The following CACNA1E variants were observed in gnomAD, a reference collection of about 807,000 sequenced individuals.
CACNA1E encodes the protein voltage-dependent R-type calcium channel subunit alpha-1E.
CACNA1E carries 40 observed loss-of-function variants against 259.2 expected under a neutral mutation model. The observed-to-expected ratio is 0.15, with a 90% CI of 0.12 to 0.20. The LOEUF (loss-of-function observed/expected upper bound fraction) is 0.20. Among genes scored for constraint, CACNA1E ranks in the 10% least tolerant of loss-of-function variants. The probability of loss-of-function intolerance (pLI) is 1.00; values close to 1 mark genes in which losing one functional copy is unlikely to be tolerated. For missense variants in CACNA1E, 1,874 were observed against 3,040.1 expected, an observed-to-expected ratio of 0.62 and a Z score of 9.02; for synonymous variants, 1,104 against 1,138.5, an observed-to-expected ratio of 0.97 and a Z score of 0.61.
intron 6 of CACNA1E, among the ~76,000 whole-genome samples, chr1:181,588,930 G>C (rs879392276): frequency 2.0e-5 from 3 of 152,216 alleles, no homozygotes; most frequent in Non-Finnish European, 4.4e-5. Context: ...TCTCAGCCAG[G>C]TGGGGATGGC....
chr1:181,651,317 A>C, intron 6 of CACNA1E, 21 bp from the exon 7 acceptor site: 1 of 1,511,570 alleles, frequency 6.6e-7, no homozygotes, highest in Non-Finnish European at 9.2e-7. Flanking sequence ...AGTATTAAGG[A>C]ACCATTTTTC....
chr1:181,433,807 T>A (rs1394542092), intron 2 of CACNA1E, among the ~76,000 whole-genome samples: 1 of 152,244 alleles, frequency 6.6e-6, no homozygotes, highest in East Asian at 1.9e-4. Flanking sequence ...TCATTTGTAA[T>A]TGCTAATGGC....
chr1:181,709,841 G>A (rs748637711), intron 7 of CACNA1E, among the ~76,000 whole-genome samples: 2 of 152,114 alleles, frequency 1.3e-5, no homozygotes, highest in South Asian at 2.1e-4. Flanking sequence ...AGCTTCCCAG[G>A]TAGTAGGAGA....
intron 1 of CACNA1E, among the ~76,000 whole-genome samples, chr1:181,374,638 A>T (rs1295532621): frequency 6.6e-6 from 1 of 151,938 alleles, no homozygotes; most frequent in Non-Finnish European, 1.5e-5. Flanking sequence ...AATTAAAAAA[A>T]TTTTGCTTTT....
At chr1:181,712,165 GT>G (rs113962627) in intron 8 of CACNA1E, among the ~76,000 whole-genome samples, 5,920 of 152,238 alleles carry the variant, frequency 0.039, 152 homozygotes, top group African/African-American at 0.077. Flanking sequence ...CCAGATTCAA[GT>G]TTGGCTGTGG....
intron 7 of CACNA1E, among the ~76,000 whole-genome samples, chr1:181,693,994 C>T (rs866376812): frequency 2.6e-5 from 4 of 152,228 alleles, no homozygotes; most frequent in Middle Eastern, 3.4e-3. Flanking sequence ...GGATATGAGG[C>T]AAGGGGAAAA....
chr1:181,572,601 C>G (rs560125861), intron 3 of CACNA1E, among the ~76,000 whole-genome samples: 1 of 152,092 alleles, frequency 6.6e-6, no homozygotes, highest in Non-Finnish European at 1.5e-5. Context: ...GGCTGTGTGC[C>G]TATAGTGACA....
chr1:181,470,847 T>C (rs948978592), intron 2 of CACNA1E, among the ~76,000 whole-genome samples: 2 of 152,198 alleles, frequency 1.3e-5, no homozygotes, highest in Non-Finnish European at 2.9e-5. Context: ...TCTCCTCAAC[T>C]AGTCTTAAGT....
intron 2 of CACNA1E, among the ~76,000 whole-genome samples, chr1:181,418,522 A>C (rs550935256): frequency 2.6e-5 from 4 of 152,164 alleles, no homozygotes; most frequent in Non-Finnish European, 5.9e-5. Context: ...GTCTGTACTC[A>C]GGACCTCTTC....
At chr1:181,478,712 G>C (rs1034167695), upstream of CACNA1E, among the ~76,000 whole-genome samples, 12 of 152,258 alleles carry the variant, frequency 7.9e-5, no homozygotes, top group Admixed American at 7.2e-4. Flanking sequence ...CACATTCACA[G>C]ACTTCTCAGT....
At chr1:181,348,827 A>G (rs1652813987) in intron 1 of CACNA1E, among the ~76,000 whole-genome samples, 1 of 152,156 alleles carries the variant, frequency 6.6e-6, no homozygotes, top group Admixed American at 6.5e-5. Flanking sequence ...TGGGCAGTAG[A>G]GCCTGTGGGG....
chr1:181,372,079 GCTT>G (rs1654747497), intron 1 of CACNA1E, among the ~76,000 whole-genome samples: 1 of 152,160 alleles, frequency 6.6e-6, no homozygotes, highest in African/African-American at 2.4e-5. Context: ...GGGTATTTGG[GCTT>G]CTTTTTGGTT....
intron 7 of CACNA1E, among the ~76,000 whole-genome samples, chr1:181,681,941 C>G (rs1057285147): frequency 2.6e-5 from 4 of 152,186 alleles, no homozygotes; most frequent in Non-Finnish European, 5.9e-5. Context: ...TTCCTACTCT[C>G]TTGCCTACTT....
chr1:181,600,330 A>C (rs1653616535), intron 6 of CACNA1E, among the ~76,000 whole-genome samples: 1 of 152,000 alleles, frequency 6.6e-6, no homozygotes, highest in Non-Finnish European at 1.5e-5. Context: ...TTTGGATTTT[A>C]CTCCGAGTGT....
At chr1:181,366,044 T>C (rs949038081) in intron 1 of CACNA1E, among the ~76,000 whole-genome samples, 2 of 152,274 alleles carry the variant, frequency 1.3e-5, no homozygotes, top group Non-Finnish European at 2.9e-5. Context: ...ACTCTGACTC[T>C]ACATCTGTGG....
intron 44 of CACNA1E, among the ~76,000 whole-genome samples, chr1:181,790,967 A>G (rs1182231731): frequency 6.6e-6 from 1 of 152,204 alleles, no homozygotes; most frequent in African/African-American, 2.4e-5. Context: ...CAAATGCCCC[A>G]TGCCATTCCT....
intron 3 of CACNA1E, among the ~76,000 whole-genome samples, chr1:181,572,099 A>G (rs1174986371): frequency 2.0e-5 from 3 of 151,998 alleles, no homozygotes; most frequent in African/African-American, 7.2e-5. Context: ...CCCTGAACCT[A>G]TGACCACTGT....
At chr1:181,365,740 T>A (rs1654224019) in intron 1 of CACNA1E, among the ~76,000 whole-genome samples, 1 of 152,244 alleles carries the variant, frequency 6.6e-6, no homozygotes, top group African/African-American at 2.4e-5. Context: ...GGCCTTCTTC[T>A]CTGTGGCTGG....
intron 3 of CACNA1E, among the ~76,000 whole-genome samples, chr1:181,534,167 T>C (rs1343228241): frequency 2.0e-5 from 3 of 152,144 alleles, no homozygotes; most frequent in Non-Finnish European, 4.4e-5. Flanking sequence ...ATGTTCCTTA[T>C]AATGTTATGG....
Sources: allele counts gnomAD v4.1 joint callset (sites outside exome capture counted in the v4.1 genomes callset), GRCh38; gene constraint gnomAD v4.1.1; transcripts MANE v1.5; gene names NCBI Gene and HGNC (gene_info 2026-07-23, HGNC 2026-07-21).